The following CBY2 variants were observed in gnomAD, a reference collection of about 807,000 sequenced individuals.
The protein encoded by CBY2 is protein chibby homolog 2.
A neutral mutation model predicts 25.3 loss-of-function variants in CBY2; 23 were observed. The observed-to-expected ratio is 0.91, with a 90% confidence interval of 0.65 to 1.29. CBY2 has a LOEUF of 1.29. CBY2 is among the 50% of genes most tolerant of loss of function. The pLI, the probability that CBY2 is intolerant of heterozygous loss-of-function variation, is 0.00. For missense variants in CBY2, 642 were observed against 590.7 expected, an observed-to-expected ratio of 1.09 and a Z score of -0.90; for synonymous variants, 279 against 260.2, an observed-to-expected ratio of 1.07 and a Z score of -0.70.
intron 2 of CBY2, among the ~76,000 whole-genome samples, chr13:45,708,781 T>G (rs533885503): frequency 6.6e-6 from 1 of 152,328 alleles, no homozygotes; most frequent in African/African-American, 2.4e-5. Context: ...TTAAATGTTC[T>G]AAGAAATTAA....
In CBY2 at chr13:45,702,472, CT is replaced by C; in HGVS notation, c.75+12del. Reference sequence around the variant, plus strand: ...TACCTGGCAACTCACATTGGTATGGCTTTTTACTTGAGATAGAAATAATCAT... The same window carrying C: ...TACCTGGCAACTCACATTGGTATGGCTTTTACTTGAGATAGAAATAATCAT... On this transcript the variant is annotated splice_region_variant and intron_variant, in intron 1 of 2. Transcript: ENST00000310521. The C allele has an allele frequency of 6.2e-7, 1 of 1,610,646 alleles. No individual in the cohort carries two copies. Among genetic ancestry groups the C allele is most frequent in the Non-Finnish European group, 8.5e-7 (1 of 1,176,820 alleles).
chr13:45,711,564 A>G (rs1242130906), intron 2 of CBY2, among the ~76,000 whole-genome samples: 4 of 152,134 alleles, frequency 2.6e-5, no homozygotes, highest in African/African-American at 9.7e-5. Context: ...CAAATTGCCT[A>G]TTCTACTTGA....
rs769853283 is a variant in CBY2, at chr13:45,714,398, G to A, written c.*26G>A. 6 of 1,534,362 alleles carry A rather than the reference G, an allele frequency of 3.9e-6. No homozygotes were observed. Among genetic ancestry groups the A allele is most frequent in the Non-Finnish European group, 5.3e-6 (6 of 1,136,854 alleles). ...GGCCTCGGCCTTGCACCGGGACGCC[G>A]AGTTTGGGACACCGAACACTGGGCA... is the stretch of plus-strand genomic sequence containing the variant. On this transcript the variant is annotated 3_prime_UTR_variant, in exon 3 of 3. Coordinates refer to ENST00000310521, the MANE Select transcript of CBY2 (RefSeq NM_152719.3).
intron 2 of CBY2, chr13:45,703,146 C>A: frequency 7.9e-7 from 1 of 1,258,926 alleles, no homozygotes; most frequent in South Asian, 2.5e-5. Flanking sequence ...CCAGCCTTCT[C>A]AAAACGAGAT....
chr13:45,708,143 G>A (rs1339155207), intron 2 of CBY2, among the ~76,000 whole-genome samples: 6 of 152,144 alleles, frequency 3.9e-5, no homozygotes, highest in South Asian at 2.1e-4. Context: ...AGTGAATAGC[G>A]CCTTTTAGAG....
chr13:45,706,751 G>A (rs939735398), intron 2 of CBY2, among the ~76,000 whole-genome samples: 10 of 152,276 alleles, frequency 6.6e-5, no homozygotes, highest in African/African-American at 2.4e-4. Flanking sequence ...AAGGGCTAAA[G>A]GATATCAGGG....
chr13:45,705,542 T>C (rs979049365), intron 2 of CBY2, among the ~76,000 whole-genome samples: 1 of 152,258 alleles, frequency 6.6e-6, no homozygotes, highest in African/African-American at 2.4e-5. Context: ...TGTTAAACAG[T>C]ATGCAAACAT....
At chr13:45,710,265 C>T (rs1339331805) in intron 2 of CBY2, among the ~76,000 whole-genome samples, 2 of 152,176 alleles carry the variant, frequency 1.3e-5, no homozygotes, top group Non-Finnish European at 2.9e-5. Flanking sequence ...TGGCTCATGC[C>T]TATAATCCTA....
rs113507909 is a variant in CBY2 at position 45,702,702 on chromosome 13, T to C, written c.76-73T>C. The C allele has an allele frequency of 1.8e-4, 226 of 1,264,478 alleles. No individual in the cohort carries two copies. In the African/African-American group the frequency reaches 3.1e-3, roughly 17 times the overall value. 78.3% of individuals were successfully genotyped at this position (1,264,478 alleles called of 1,614,324 possible). A position where few individuals can be genotyped will look rare whatever the true frequency, so the allele number is the denominator to read the frequency against. Reference sequence around the variant, plus strand: ...AATAAATGAGTAGAAAGTTCTGTGTTTTTTAGGCGAGCAATTGAGGCCCAG... The same window carrying C: ...AATAAATGAGTAGAAAGTTCTGTGTCTTTTAGGCGAGCAATTGAGGCCCAG... On this transcript the variant is annotated intron_variant, in intron 1 of 2. Transcript: ENST00000310521.
rs1038288750 is a variant in CBY2, at chr13:45,713,112, C to T, written c.157-70C>T. On this transcript the variant is annotated intron_variant, in intron 2 of 2. Transcript: ENST00000310521. The surrounding 1 kb of genome is among the most constrained non-coding windows in gnomAD (Gnocchi z 5.0). ...GGGGCTTATTTGGGGATGTCCTGGC[C>T]CCTTTGTCAGCCAGCCCCAAGTGTG... 7.8e-7 allele frequency: 1 copy of T among 1,283,746 alleles called. No individual in the cohort carries two copies. Among genetic ancestry groups the T allele is most frequent in the Non-Finnish European group, 1.1e-6 (1 of 932,820 alleles). The allele number at this position is 1,283,746 out of a possible 1,614,324, so 79.5% of individuals were successfully genotyped here. A position where few individuals can be genotyped will look rare whatever the true frequency, so the allele number is the denominator to read the frequency against.
At chr13:45,707,308 C>A (rs1284678052) in intron 2 of CBY2, among the ~76,000 whole-genome samples, 1 of 152,096 alleles carries the variant, frequency 6.6e-6, no homozygotes, top group African/African-American at 2.4e-5. Flanking sequence ...GTGAGGAAAA[C>A]TCCATGCTTA....
chr13:45,703,359 C>T (rs571031051), intron 2 of CBY2: 2 of 1,434,512 alleles, frequency 1.4e-6, no homozygotes, highest in East Asian at 5.1e-5. Flanking sequence ...GGCATAGATG[C>T]TTTTTCAGTC....
chr13:45,703,592 G>A (rs1313040646), intron 2 of CBY2: 1 of 1,549,996 alleles, frequency 6.5e-7, no homozygotes, highest in South Asian at 1.2e-5. Context: ...CAATGCAGAG[G>A]TAACTATCTG....
rs7317245 is a variant in CBY2 at position 45,714,010 on chromosome 13, A to G, written c.985A>G (p.Lys329Glu). 0.66 allele frequency: 980,764 copies of G among 1,489,200 alleles called. 328,241 individuals carry two copies. Among genetic ancestry groups the G allele is most frequent in the Non-Finnish European group, 0.69 (775,612 of 1,120,170 alleles). The allele number at this position is 1,489,200 out of a possible 1,614,324, so 92.2% of individuals were successfully genotyped here. A position where few individuals can be genotyped will look rare whatever the true frequency, so the allele number is the denominator to read the frequency against. ...EDSKELRALR[K>E]MVSNMSGPSG... The stretch of plus-strand genomic sequence containing the variant: ...CTCCAAGGAGCTGCGCGCCCTGCGG[A>G]AGATGGTCAGCAACATGTCCGGGCC... The change falls in exon 3 of 3, where the codon AAG becomes GAG. Residue 329 changes from lysine (K) to glutamate (E), a missense_variant. Lys to Glu is a moderately conservative substitution (Grantham distance 56). Coordinates refer to ENST00000310521, the MANE Select transcript of CBY2 (RefSeq NM_152719.3).
In CBY2 at chr13:45,713,843, A is replaced by C; in HGVS notation, c.818A>C (p.Asp273Ala). The change falls in exon 3 of 3, where the codon GAC (aspartate) becomes GCC (alanine). Residue 273 changes from aspartate (D) to alanine (A), a missense_variant. Coordinates refer to ENST00000310521, the MANE Select transcript of CBY2 (RefSeq NM_152719.3). The surrounding 1 kb of genome is among the most constrained non-coding windows in gnomAD (Gnocchi z 5.0). ...QKQAYWAQAE[D>A]TAAPAEESKP... ...CAGGCCTACTGGGCGCAGGCAGAGG[A>C]CACGGCCGCCCCTGCCGAGGAAAGC... The C allele has an allele frequency of 6.6e-7, 1 of 1,523,292 alleles. No homozygotes were observed. The highest frequency in any genetic ancestry group is 1.2e-5 in the South Asian group (1 of 82,234). The allele number at this position is 1,523,292 out of a possible 1,614,324, so 94.4% of individuals were successfully genotyped here. A position where few individuals can be genotyped will look rare whatever the true frequency, so the allele number is the denominator to read the frequency against.
At chr13:45,703,014 A>G in intron 2 of CBY2, 159 bp downstream of exon 2, 1 of 1,139,000 alleles carries the variant, frequency 8.8e-7, no homozygotes, top group Non-Finnish European at 1.2e-6. Context: ...TGTGCTGGGG[A>G]AGGCCACATA....
intron 2 of CBY2, among the ~76,000 whole-genome samples, chr13:45,712,005 G>A (rs2137509650): frequency 6.6e-6 from 1 of 152,322 alleles, no homozygotes; most frequent in Non-Finnish European, 1.5e-5. Context: ...AAGACTCAAG[G>A]GTGGCTAAGA....
chr13:45,711,559 T>C (rs1323038679), intron 2 of CBY2, among the ~76,000 whole-genome samples: 5 of 152,094 alleles, frequency 3.3e-5, no homozygotes, highest in Non-Finnish European at 7.4e-5. Context: ...TTAAGCAAAT[T>C]GCCTATTCTA....
At position 45,713,777 on chromosome 13, in the gene CBY2, GGGA is replaced by G; in HGVS notation, c.757_759del (p.Glu253del). 1 of 1,599,460 alleles carries G rather than the reference GGGA, an allele frequency of 6.3e-7. No individual in the cohort carries two copies. Among genetic ancestry groups the G allele is most frequent in the South Asian group, 1.1e-5 (1 of 90,076 alleles). On this transcript the variant is annotated inframe_deletion, in exon 3 of 3. Transcript: ENST00000310521. The surrounding 1 kb of genome is among the most constrained non-coding windows in gnomAD (Gnocchi z 5.0). Reference sequence around the variant, plus strand: ...GAGGACAGCACCCTGCAGCTCCTCCGGGAGGAGAATCGCGCGCTGCAGCAGCTG... The same window carrying G: ...GAGGACAGCACCCTGCAGCTCCTCCGGGAGAATCGCGCGCTGCAGCAGCTG...
Sources: gnomAD v4.1 joint callset for allele counts (sites outside exome capture counted in the v4.1 genomes callset) on GRCh38, gnomAD v4.1.1 for gene constraint, Gnocchi (gnomAD v3.1) non-coding constraint, MANE v1.5 for transcripts, NCBI Gene and HGNC (gene_info 2026-07-23, HGNC 2026-07-21) for gene names.